ADGRG3: variants seen among roughly 807,000 people sequenced by gnomAD.
ADGRG3 encodes G protein-coupled receptor 97.
Under a neutral mutation model 54.3 loss-of-function variants are expected in ADGRG3, and 39 were observed. That is an observed-to-expected ratio of 0.72 (90% CI 0.56 to 0.94). The LOEUF is 0.94. Among genes scored for constraint, ADGRG3 ranks in the 40% least tolerant of loss-of-function variants. The probability of loss-of-function intolerance (pLI) is 0.00; values close to 1 mark genes in which losing one functional copy is unlikely to be tolerated. For missense variants in ADGRG3, 654 were observed against 694.6 expected (o/e 0.94, Z 0.66); for synonymous variants, 312 against 290.0 (o/e 1.08, Z -0.77).
chr16:57,674,995 C>CAAAAA lies in ADGRG3; in HGVS notation c.207-1191_207-1187dup, dbSNP rs34536208. 6.8e-3 allele frequency among the ~76,000 whole-genome samples: 334 copies of CAAAAA among 48,908 alleles called. 2 individuals carry two copies. Among genetic ancestry groups the CAAAAA allele is most frequent in the African/African-American group, 0.02 (286 of 14,290 alleles). 32.1% of individuals were successfully genotyped at this position (48,908 alleles called of 152,430 possible). ...TGGGCGACAGAGTGAGACTCCATCT[C>CAAAAA]AAAAAAAAAAAAAAAAAAGCAGCAG... On this transcript the variant is annotated intron_variant, in intron 2 of 11. Transcript: ENST00000333493.
At chr16:57,688,130 G>T (rs1364569371) in intron 11 of ADGRG3, among the ~76,000 whole-genome samples, 2 of 152,172 alleles carry the variant, frequency 1.3e-5, no homozygotes, top group African/African-American at 4.8e-5. Flanking sequence ...GGCATAGGTA[G>T]ATATTTTATT....
intron 2 of ADGRG3, among the ~76,000 whole-genome samples, chr16:57,675,012 A>AAAAAGCAGCAGCAGC (rs35561154): frequency 1.7e-5 from 2 of 115,342 alleles, no homozygotes; most frequent in South Asian, 3.5e-4. Context: ...AAAAAAAAAA[A>AAAAAGCAGCAGCAGC]AGCAGCAGCA....
chr16:57,685,615 G>A, intron 10 of ADGRG3, 28 bp from the exon 11 acceptor site: 9 of 1,610,366 alleles, frequency 5.6e-6, no homozygotes, highest in Non-Finnish European at 6.8e-6. Context: ...ACCACTCCCA[G>A]TCCCACCACA....
At chr16:57,674,594 C>G (rs1265544309) in intron 2 of ADGRG3, 2 of 455,774 alleles carry the variant, frequency 4.4e-6, no homozygotes, top group South Asian at 3.1e-5. Flanking sequence ...TGCAGGTGAT[C>G]CAGGAGCTTC....
Position 57,679,181 on chromosome 16 carries a change from C to T in ADGRG3, c.497C>T (p.Pro166Leu), listed in dbSNP as rs571693181. ...DIGPGTLFKG[P>L]RLGLGDGSGV... ...CCCCGATCTCCCCTTTCACAGGGCC[C>T]CCGGCTCGGCCTGGGAGATGGCAGC... Residue 166 changes from proline to leucine, a missense_variant, in exon 5 of 12, where the codon CCC becomes CTC. Physicochemically the swap from Pro to Leu is moderately conservative, Grantham distance 98 (BLOSUM62 -3). Transcript: ENST00000333493. 1.1e-4 allele frequency: 180 copies of T among 1,613,808 alleles called. No individual in the cohort carries two copies. The South Asian group carries it at 1.7e-3, about 15-fold the overall frequency.
Position 57,676,355 on chromosome 16 carries a change from C to A in ADGRG3, c.345+17C>A. ...CCCTCTCAGGTGAAGAGCTCCCCAG[C>A]CCTCTTGGCTGGTTCGGACCCTATT... On this transcript the variant is annotated intron_variant, in intron 3 of 11. Coordinates refer to ENST00000333493, the MANE Select transcript of ADGRG3 (RefSeq NM_170776.5). The A allele has an allele frequency of 6.2e-7, 1 of 1,612,290 alleles. No homozygotes were observed. The highest frequency in any genetic ancestry group is 8.5e-7 in the Non-Finnish European group (1 of 1,178,472).
At chr16:57,672,316 A>G (rs2048177479) in intron 1 of ADGRG3, among the ~76,000 whole-genome samples, 1 of 152,082 alleles carries the variant, frequency 6.6e-6, no homozygotes, top group Non-Finnish European at 1.5e-5. Flanking sequence ...GCTTGAGGAC[A>G]GGAGTTCGAG....
rs1033355096 is a variant in ADGRG3 at position 57,679,752 on chromosome 16, G to A, written c.628-64G>A. The A allele has an allele frequency of 7.5e-6, 10 of 1,328,294 alleles. No individual in the cohort carries two copies. In the Admixed American group the frequency reaches 8.4e-5, roughly 11 times the overall value. The allele number at this position is 1,328,294 out of a possible 1,614,324, so 82.3% of individuals were successfully genotyped here. A position where few individuals can be genotyped will look rare whatever the true frequency, so the allele number is the denominator to read the frequency against. On this transcript the variant is annotated intron_variant, in intron 5 of 11. Coordinates refer to ENST00000333493, the MANE Select transcript of ADGRG3 (RefSeq NM_170776.5). ...ACTCGGGGGAGCACACCGTCCTCCC[G>A]CTTCCCCTGCCCTCCCCCAAACTTC... is the stretch of plus-strand genomic sequence containing the variant.
At chr16:57,673,249 C>T in intron 1 of ADGRG3, 72 bp from the exon 2 acceptor site, 1 of 1,466,064 alleles carries the variant, frequency 6.8e-7, no homozygotes, top group Non-Finnish European at 9.4e-7. Context: ...AGCCCCAGCT[C>T]CTTTCCCTGC....
At chr16:57,686,037 G>A (rs1471610665) in intron 11 of ADGRG3, 111 bp downstream of exon 11, 4 of 1,105,210 alleles carry the variant, frequency 3.6e-6, no homozygotes, top group Non-Finnish European at 5.2e-6. Context: ...CAGGCTAGCT[G>A]AAGTCAAGGA....
In ADGRG3 at chr16:57,669,511, C is replaced by T. The variant is rs953750553; in HGVS notation, c.58+1106C>T. On this transcript the variant is annotated intron_variant, in intron 1 of 11. Transcript: ENST00000333493. Reference sequence around the variant, plus strand: ...GGCGTCCTCAGGTCCCAGCTGTCATCGCTGGTTGGGCCTTCAAGCCTCCTC... The same window carrying T: ...GGCGTCCTCAGGTCCCAGCTGTCATTGCTGGTTGGGCCTTCAAGCCTCCTC... 4.6e-5 allele frequency among the ~76,000 whole-genome samples: 7 copies of T among 152,278 alleles called. No homozygotes were observed. The East Asian group carries it at 7.7e-4, about 17-fold the overall frequency.
chr16:57,672,563 C>T (rs1341537888), intron 1 of ADGRG3, among the ~76,000 whole-genome samples: 1 of 152,154 alleles, frequency 6.6e-6, no homozygotes, highest in Non-Finnish European at 1.5e-5. Context: ...CTCCATTTTG[C>T]TGGCAAAAGA....
intron 2 of ADGRG3, 58 bp downstream of exon 2, chr16:57,673,526 A>T (rs775828595): frequency 6.6e-7 from 1 of 1,513,176 alleles, no homozygotes; most frequent in Non-Finnish European, 9.0e-7. Flanking sequence ...GAGGACTATC[A>T]GGAAGGGATG....
chr16:57,687,116 A>G (rs1789934567), intron 11 of ADGRG3, among the ~76,000 whole-genome samples: 1 of 152,144 alleles, frequency 6.6e-6, no homozygotes, highest in Non-Finnish European at 1.5e-5. Context: ...CCCATGAGAG[A>G]TGTGTGGCTT....
At chr16:57,668,191 C>T (rs1378062235), upstream of ADGRG3, 1 of 637,418 alleles carries the variant, frequency 1.6e-6, no homozygotes, top group African/African-American at 1.8e-5. Flanking sequence ...CCTTTCACAA[C>T]CCAACCAATG....
At chr16:57,676,801 A>G (rs2048272700) in intron 3 of ADGRG3, among the ~76,000 whole-genome samples, 1 of 152,206 alleles carries the variant, frequency 6.6e-6, no homozygotes, top group Non-Finnish European at 1.5e-5. Context: ...GGAGTTCTAG[A>G]CCAGCCTGGG....
chr16:57,674,515 T>C (rs2048221900), intron 2 of ADGRG3: 1 of 443,864 alleles, frequency 2.3e-6, no homozygotes, highest in South Asian at 1.6e-5. Context: ...GCTCTCAGGC[T>C]TGGTGTTAGG....
intron 5 of ADGRG3, 87 bp from the exon 6 acceptor site, chr16:57,679,729 T>A: frequency 3.9e-6 from 4 of 1,032,864 alleles, no homozygotes; most frequent in Non-Finnish European, 6.2e-6. Flanking sequence ...ACACTAGGAC[T>A]CGGGGGAGCA....
At chr16:57,675,223 C>T (rs76398453) in intron 2 of ADGRG3, among the ~76,000 whole-genome samples, 1,910 of 151,806 alleles carry the variant, frequency 0.013, 40 homozygotes, top group East Asian at 0.093. Context: ...TGCCCAAAGT[C>T]ATCCCAGTAC....
Sources: allele counts gnomAD v4.1 joint callset (sites outside exome capture counted in the v4.1 genomes callset), GRCh38; gene constraint gnomAD v4.1.1; transcripts MANE v1.5; gene names NCBI Gene and HGNC (gene_info 2026-07-23, HGNC 2026-07-21).